Variants in ADGRB2 observed in about 807,000 individuals in gnomAD.
ADGRB2 encodes brain-specific angiogenesis inhibitor 2.
In ADGRB2, 47 loss-of-function variants were observed where a neutral mutation model predicts 178.7. That is an observed-to-expected ratio of 0.26 (90% CI 0.21 to 0.34). The LOEUF (loss-of-function observed/expected upper bound fraction) is 0.34. Ranked by LOEUF, ADGRB2 falls within the 10% of genes least tolerant of loss-of-function variation. The pLI, the probability that ADGRB2 is intolerant of heterozygous loss-of-function variation, is 1.00. For synonymous variants in ADGRB2, 870 were observed against 912.4 expected (o/e 0.95, Z 0.84); for missense variants, 1,584 against 2,180.8 (o/e 0.73, Z 5.45).
In ADGRB2 at chr1:31,736,305, C is replaced by T. The variant is rs747768420; in HGVS notation, c.3200+16G>A. On this transcript the variant is annotated intron_variant, in intron 22 of 32. Transcript: ENST00000373658. ...ATCCACTACCCGCTACCACCCACCA[C>T]GGGAGGCCCACGTACTAGCTGGATG... 37 of 1,613,464 alleles carry T rather than the reference C, an allele frequency of 2.3e-5. No homozygotes were observed. Among genetic ancestry groups the T allele is most frequent in the Non-Finnish European group, 1.9e-5 (22 of 1,179,554 alleles).
chr1:31,750,634 G>T (rs535415481), intron 4 of ADGRB2, among the ~76,000 whole-genome samples: 3 of 152,254 alleles, frequency 2.0e-5, no homozygotes, highest in African/African-American at 7.2e-5. Flanking sequence ...TGGGCTCCCT[G>T]CTTCCTTCCT....
Position 31,756,030 on chromosome 1 carries a change from G to A in ADGRB2, c.807C>T (p.Ser269=). ...TCATCTCGGTTGTGAACAGATCATT[G>A]CTGCTCCCCGAGTGCAAATCGGCCT... ...PAEADLHSGS[S]NDLFTTEMRY... The change falls in exon 4 of 33, where the codon AGC becomes AGT. Residue 269 remains serine (S), a synonymous_variant. Transcript: ENST00000373658. This position sits in a 1 kb window ranked among gnomAD's most constrained non-coding sequence, Gnocchi z 8.5. 6.2e-7 allele frequency: 1 copy of A among 1,613,656 alleles called. No homozygotes were observed. Among genetic ancestry groups the A allele is most frequent in the Non-Finnish European group, 8.5e-7 (1 of 1,179,844 alleles).
rs755123927 is a variant in ADGRB2, at chr1:31,730,759, C to T, written c.4380+41G>A. ...CCTCCTGGCTGCAGCCTGTGATTGA[C>T]ACAGTCTCAGACACACACCCCATTC... On this transcript the variant is annotated intron_variant, in intron 29 of 32. Coordinates refer to ENST00000373658, the MANE Select transcript of ADGRB2 (RefSeq NM_001364857.2). The T allele has an allele frequency of 2.1e-6, 3 of 1,419,302 alleles. No homozygotes were observed. The African/African-American group carries it at 4.3e-5, about 20-fold the overall frequency. 87.9% of individuals were successfully genotyped at this position (1,419,302 alleles called of 1,614,324 possible).
chr1:31,727,318 C>T lies in ADGRB2; in HGVS notation c.*102G>A, dbSNP rs1301957393. 3.4e-5 allele frequency: 48 copies of T among 1,392,656 alleles called. No individual in the cohort carries two copies. Among genetic ancestry groups the T allele is most frequent in the Middle Eastern group, 2.0e-4 (1 of 4,950 alleles). 86.3% of individuals were successfully genotyped at this position (1,392,656 alleles called of 1,614,324 possible). Reference sequence around the variant, plus strand: ...CCACGGCGCCTCCCTGCCCAGCCCTCGGGAGAGGGGAGAGGGCGCTGGCTC... The same window carrying T: ...CCACGGCGCCTCCCTGCCCAGCCCTTGGGAGAGGGGAGAGGGCGCTGGCTC... On this transcript the variant is annotated 3_prime_UTR_variant, in exon 33 of 33. Transcript: ENST00000373658. This position sits in a 1 kb window ranked among gnomAD's most constrained non-coding sequence, Gnocchi z 4.4.
rs1458194331 is a variant in ADGRB2, at chr1:31,727,122, A to C, written c.*298T>G. 2.9e-6 allele frequency: 1 copy of C among 342,484 alleles called. No homozygotes were observed. The highest frequency in any genetic ancestry group is 7.6e-4 in the Middle Eastern group (1 of 1,312). The allele number at this position is 342,484 out of a possible 1,614,324, so 21.2% of individuals were successfully genotyped here. A position where few individuals can be genotyped will look rare whatever the true frequency, so the allele number is the denominator to read the frequency against. On this transcript the variant is annotated 3_prime_UTR_variant, in exon 33 of 33. Transcript: ENST00000373658. This position sits in a 1 kb window ranked among gnomAD's most constrained non-coding sequence, Gnocchi z 4.4. ...CAAACAGCTCAGCAGCAAAATCCAC[A>C]GAGTGAAGTTTATTCCCAACAAAGT...
At chr1:31,745,985 C>A (rs1646252203) in intron 4 of ADGRB2, among the ~76,000 whole-genome samples, 1 of 152,224 alleles carries the variant, frequency 6.6e-6, no homozygotes, top group Non-Finnish European at 1.5e-5. Context: ...AGGGCCTGAT[C>A]CACATGATCC....
In ADGRB2 at chr1:31,735,885, A is replaced by C; in HGVS notation, c.3209T>G (p.Leu1070Arg). 6.3e-7 allele frequency: 1 copy of C among 1,597,170 alleles called. No homozygotes were observed. The highest frequency in any genetic ancestry group is 8.5e-7 in the Non-Finnish European group (1 of 1,171,810). ...KGYGTSSYCWLSLEGGLLYAF... is the reference protein window; with the variant it reads ...KGYGTSSYCWRSLEGGLLYAF... ...GTAGAGCAGGCCGCCCTCCAGGGAG[A>C]GCCAGCAGCTGGGGTGGGGGAGAAG... is the stretch of plus-strand genomic sequence containing the variant. The change falls in exon 23 of 33, where the codon CTC becomes CGC. Residue 1070 changes from leucine (L) to arginine (R), a missense_variant. Around this residue, in one of 3 missense-constraint regions of ADGRB2, gnomAD observed 865 missense variants for 1,192.8 expected, o/e 0.73. Coordinates refer to ENST00000373658, the MANE Select transcript of ADGRB2 (RefSeq NM_001364857.2). This position sits in a 1 kb window ranked among gnomAD's most constrained non-coding sequence, Gnocchi z 6.0.
chr1:31,757,988 A>G (rs150233993), intron 1 of ADGRB2, among the ~76,000 whole-genome samples: 1,532 of 152,248 alleles, frequency 0.01, 6 homozygotes, highest in Middle Eastern at 0.027. Flanking sequence ...AGGGCTGAGG[A>G]TGGGGGGAGC....
intron 1 of ADGRB2, among the ~76,000 whole-genome samples, chr1:31,762,335 G>A (rs1557801832): frequency 6.6e-6 from 1 of 152,130 alleles, no homozygotes; most frequent in Non-Finnish European, 1.5e-5. Flanking sequence ...CCTCACCCCA[G>A]TAGCAGTGCA....
Position 31,735,164 on chromosome 1 carries a change from C to T in ADGRB2, c.3452+19G>A. The T allele has an allele frequency of 1.4e-6, 2 of 1,428,396 alleles. No homozygotes were observed. The highest frequency in any genetic ancestry group is 1.6e-5 in the South Asian group (1 of 63,564). The allele number at this position is 1,428,396 out of a possible 1,614,324, so 88.5% of individuals were successfully genotyped here. ...TTTGCCCCACCCACCCCCACCGCCC[C>T]CCAGGGGGCACGACTAACATGGCGT... On this transcript the variant is annotated intron_variant, in intron 25 of 32. Coordinates refer to ENST00000373658, the MANE Select transcript of ADGRB2 (RefSeq NM_001364857.2). This position sits in a 1 kb window ranked among gnomAD's most constrained non-coding sequence, Gnocchi z 6.0.
Position 31,764,112 on chromosome 1 carries a change from C to CCGCCGCCGCCGCCGCCTCCTTGCCG in ADGRB2, c.-444_-420dup. The CCGCCGCCGCCGCCGCCTCCTTGCCG allele has an allele frequency of 1.1e-6, 1 of 907,382 alleles. No individual in the cohort carries two copies. Among genetic ancestry groups the CCGCCGCCGCCGCCGCCTCCTTGCCG allele is most frequent in the Non-Finnish European group, 1.3e-6 (1 of 763,226 alleles). The allele number at this position is 907,382 out of a possible 1,614,324, so 56.2% of individuals were successfully genotyped here. A position where few individuals can be genotyped will look rare whatever the true frequency, so the allele number is the denominator to read the frequency against. ...CCGGGCCGGGCGCGGGCTCCTGCCG[C>CCGCCGCCGCCGCCGCCTCCTTGCCG]CGCCGCCGCCGCCGCCTCCTTGCCG... On this transcript the variant is annotated 5_prime_UTR_variant, in exon 1 of 33. Coordinates refer to ENST00000373658, the MANE Select transcript of ADGRB2 (RefSeq NM_001364857.2). The surrounding 1 kb of genome is among the most constrained non-coding windows in gnomAD (Gnocchi z 7.3).
Position 31,740,189 on chromosome 1 carries a change from A to T in ADGRB2, c.1990-11T>A. 1 of 1,614,002 alleles carries T rather than the reference A, an allele frequency of 6.2e-7. No individual in the cohort carries two copies. The highest frequency in any genetic ancestry group is 1.1e-5 in the South Asian group (1 of 91,076). On this transcript the variant is annotated splice_polypyrimidine_tract_variant and intron_variant, in intron 12 of 32. Transcript: ENST00000373658. The surrounding 1 kb of genome is among the most constrained non-coding windows in gnomAD (Gnocchi z 5.9). The stretch of plus-strand genomic sequence containing the variant: ...CACCTGGAAGAAGCGCTGAGGAGAG[A>T]GCAATGAGTGGCAGGGGGTCCTAGC...
In ADGRB2 at chr1:31,728,543, A is replaced by C; in HGVS notation, c.4416+55T>G. The C allele has an allele frequency of 1.2e-6, 2 of 1,611,566 alleles. No individual in the cohort carries two copies. Among genetic ancestry groups the C allele is most frequent in the South Asian group, 2.2e-5 (2 of 91,020 alleles). On this transcript the variant is annotated intron_variant, in intron 30 of 32. Transcript: ENST00000373658. This position sits in a 1 kb window ranked among gnomAD's most constrained non-coding sequence, Gnocchi z 6.7. The stretch of plus-strand genomic sequence containing the variant: ...GACTACTTTTAGGAGTGAGCCCTCC[A>C]GGGACAGACACCACAGCCAGATGTC...
rs1645123612 is a variant in ADGRB2 at position 31,728,725 on chromosome 1, G to T, written c.4381-92C>A. On this transcript the variant is annotated intron_variant, in intron 29 of 32. Coordinates refer to ENST00000373658, the MANE Select transcript of ADGRB2 (RefSeq NM_001364857.2). This position sits in a 1 kb window ranked among gnomAD's most constrained non-coding sequence, Gnocchi z 6.7. Reference sequence around the variant, plus strand: ...AGACAGGAAGCCTGGCATCCCAGGGGTCTGCCCGCTGCACCTTCCCCCCAA... The same window carrying T: ...AGACAGGAAGCCTGGCATCCCAGGGTTCTGCCCGCTGCACCTTCCCCCCAA... The T allele has an allele frequency of 6.6e-7, 1 of 1,510,886 alleles. No individual in the cohort carries two copies. Among genetic ancestry groups the T allele is most frequent in the African/African-American group, 1.4e-5 (1 of 72,374 alleles). 93.6% of individuals were successfully genotyped at this position (1,510,886 alleles called of 1,614,324 possible). A position where few individuals can be genotyped will look rare whatever the true frequency, so the allele number is the denominator to read the frequency against.
chr1:31,756,039 C>G lies in ADGRB2; in HGVS notation c.798G>C (p.Ser266=), dbSNP rs771593110. 1.4e-5 allele frequency: 23 copies of G among 1,613,860 alleles called. No individual in the cohort carries two copies. The highest frequency in any genetic ancestry group is 1.9e-5 in the Non-Finnish European group (22 of 1,179,902). The change falls in exon 4 of 33, where the codon TCG becomes TCC. Residue 266 remains serine, a synonymous_variant. Coordinates refer to ENST00000373658, the MANE Select transcript of ADGRB2 (RefSeq NM_001364857.2). This position sits in a 1 kb window ranked among gnomAD's most constrained non-coding sequence, Gnocchi z 8.5. ...PAPPAEADLH[S]GSSNDLFTTE... ...TTGTGAACAGATCATTGCTGCTCCC[C>G]GAGTGCAAATCGGCCTCAGCAGGTG... is the stretch of plus-strand genomic sequence containing the variant.
chr1:31,732,373 C>A, intron 27 of ADGRB2, 144 bp downstream of exon 27: 1 of 1,154,692 alleles, frequency 8.7e-7, no homozygotes, highest in South Asian at 1.4e-5. Context: ...CAATGCCACC[C>A]AGGTGTTAGT....
Position 31,728,026 on chromosome 1 carries a change from G to A in ADGRB2, c.4571C>T (p.Thr1524Ile), listed in dbSNP as rs1226907752. The A allele has an allele frequency of 6.4e-7, 1 of 1,565,812 alleles. No homozygotes were observed. Residue 1524 changes from threonine (T) to isoleucine (I), a missense_variant and splice_region_variant, in exon 32 of 33, where the codon ACC becomes ATC. By Grantham distance (89) the Thr-to-Ile change is moderately conservative (BLOSUM62 -1). This residue lies in a region of ADGRB2 where 865 missense variants were observed against 1,192.8 expected (regional missense o/e 0.73). Transcript: ENST00000373658. This position sits in a 1 kb window ranked among gnomAD's most constrained non-coding sequence, Gnocchi z 6.7. ...CCCACCCAGCCCGGGGGGACTCACG[G>A]TGCACACGCTCCGCTCGGCTGCCCC... The part of the protein sequence containing the change: ...SGGAAERSVC[T>I]DKPSPGERPS...
Position 31,727,469 on chromosome 1 carries a change from G to A in ADGRB2, c.4709C>T (p.Ala1570Val). Residue 1570 changes from alanine to valine, a missense_variant, in exon 33 of 33, where the codon GCC (alanine) becomes GTC (valine). Ala to Val is a moderately conservative substitution (Grantham distance 64). Around this residue, in one of 3 missense-constraint regions of ADGRB2, gnomAD observed 865 missense variants for 1,192.8 expected, o/e 0.73. Coordinates refer to ENST00000373658, the MANE Select transcript of ADGRB2 (RefSeq NM_001364857.2). The surrounding 1 kb of genome is among the most constrained non-coding windows in gnomAD (Gnocchi z 4.4). ...RERLTLHRAAAWEPTEPPDGD... is the reference protein window; with the variant it reads ...RERLTLHRAAVWEPTEPPDGD... The stretch of plus-strand genomic sequence containing the variant: ...ATCCGGTGGTTCTGTGGGCTCCCAG[G>A]CTGCTGCCCGGTGCAGAGTCAGCCG... 6.3e-7 allele frequency: 1 copy of A among 1,590,474 alleles called. No homozygotes were observed. The highest frequency in any genetic ancestry group is 1.9e-5 in the Admixed American group (1 of 51,882).
In ADGRB2 at chr1:31,735,124, GC is replaced by G. The variant is rs561861793; in HGVS notation, c.3452+58del. ...TCCTCCTCCCCCCACCATGGGCACTGCCCCCCCCAATTCCTTTGCCCCACCC... is the reference window on the plus strand; with the variant it reads ...TCCTCCTCCCCCCACCATGGGCACTGCCCCCCCAATTCCTTTGCCCCACCC... On this transcript the variant is annotated intron_variant, in intron 25 of 32. Transcript: ENST00000373658. This position sits in a 1 kb window ranked among gnomAD's most constrained non-coding sequence, Gnocchi z 6.0. 418 of 878,064 alleles carry G rather than the reference GC, an allele frequency of 4.8e-4. 5 individuals are homozygous for G. The highest frequency in any genetic ancestry group is 3.8e-3 in the African/African-American group (217 of 57,220). The allele number at this position is 878,064 out of a possible 1,614,324, so 54.4% of individuals were successfully genotyped here. A position where few individuals can be genotyped will look rare whatever the true frequency, so the allele number is the denominator to read the frequency against.
Sources: gnomAD v4.1 joint callset for allele counts (sites outside exome capture counted in the v4.1 genomes callset) on GRCh38, gnomAD v4.1.1 for gene constraint, gnomAD v4.1.1 regional missense constraint, Gnocchi (gnomAD v3.1) non-coding constraint, MANE v1.5 for transcripts, NCBI Gene and HGNC (gene_info 2026-07-23, HGNC 2026-07-21) for gene names.